Variants in RHPN1 observed in about 807,000 individuals in gnomAD.
The protein encoded by RHPN1 is rhophilin-1.
Under a neutral mutation model 74.7 loss-of-function variants are expected in RHPN1, and 77 were observed. That is an observed-to-expected ratio of 1.03 (90% CI 0.86 to 1.25). The LOEUF is 1.25. Among genes scored for constraint, RHPN1 ranks in the 50% most tolerant of loss-of-function variants. The pLI, the probability that RHPN1 is intolerant of heterozygous loss-of-function variation, is 0.00. For missense variants in RHPN1, 987 were observed against 932.2 expected (o/e 1.06, Z -0.77); for synonymous variants, 444 against 414.5 (o/e 1.07, Z -0.87).
rs781526277 is a variant in RHPN1, at chr8:143,378,818, C to G, written c.582C>G (p.His194Gln). 56 of 1,564,574 alleles carry G rather than the reference C, an allele frequency of 3.6e-5. No homozygotes were observed. Among genetic ancestry groups the G allele is most frequent in the Non-Finnish European group, 3.8e-5 (44 of 1,154,914 alleles). ...TPARSLGLFF[H>Q]WYDSLTGVPA... ...CCAGGAGCCTCGGGCTCTTCTTCCACTGGTAGGGGCTCTGCGGGCGGAGGC... is the reference window on the plus strand; with the variant it reads ...CCAGGAGCCTCGGGCTCTTCTTCCAGTGGTAGGGGCTCTGCGGGCGGAGGC... Residue 194 changes from histidine to glutamine, a missense_variant and splice_region_variant, in exon 6 of 15, where the codon CAC (histidine) becomes CAG (glutamine). His to Gln is a conservative substitution (Grantham distance 24, BLOSUM62 0). Transcript: ENST00000289013.
At chr8:143,372,618 C>T (rs1353758451) in intron 1 of RHPN1, among the ~76,000 whole-genome samples, 15 of 151,692 alleles carry the variant, frequency 9.9e-5, no homozygotes, top group Non-Finnish European at 1.5e-4. Flanking sequence ...TCCCTCCGGC[C>T]GCCTGTGTCC....
At chr8:143,380,386 C>T (rs1013675042) in intron 10 of RHPN1, 2 of 649,262 alleles carry the variant, frequency 3.1e-6, no homozygotes, top group Non-Finnish European at 2.6e-6. Context: ...AGGTGGGAGA[C>T]CACTGGGAGC....
intron 12 of RHPN1, 88 bp from the exon 13 acceptor site, chr8:143,381,484 G>C: frequency 6.7e-7 from 1 of 1,502,544 alleles, no homozygotes; most frequent in South Asian, 1.3e-5. Flanking sequence ...GGTGTCCCTC[G>C]GTGCACAGGT....
chr8:143,381,404 AC>A, intron 12 of RHPN1, 60 bp downstream of exon 12: 1 of 1,524,068 alleles, frequency 6.6e-7, no homozygotes, highest in Non-Finnish European at 8.9e-7. Flanking sequence ...TGTGGCTCTG[AC>A]CAGCACATGG....
chr8:143,379,128 G>T, intron 7 of RHPN1, 50 bp downstream of exon 7: 1 of 1,447,810 alleles, frequency 6.9e-7, no homozygotes, highest in Non-Finnish European at 9.1e-7. Flanking sequence ...CCAGGGTGTT[G>T]CAGAGCCCCT....
chr8:143,366,577 GCA>G (rs1216900428), upstream of RHPN1: 1 of 149,690 alleles, frequency 6.7e-6, no homozygotes, highest in East Asian at 2.0e-4. Context: ...ACGCACACAC[GCA>G]CACGCACACA....
At position 143,378,902 on chromosome 8, in the gene RHPN1, AAC is replaced by A. The variant is rs138642932; in HGVS notation, c.585-7_585-6del. 5.4e-4 allele frequency: 856 copies of A among 1,585,304 alleles called. 2 individuals carry two copies. In the African/African-American group the frequency reaches 9.8e-3, roughly 18 times the overall value. On this transcript the variant is annotated splice_polypyrimidine_tract_variant and splice_region_variant and intron_variant, in intron 6 of 14. Transcript: ENST00000289013. Reference sequence around the variant, plus strand: ...GTGGGAACTCCACCCAGCCTGACCCAACACTGCAGGTACGACTCGCTTACTGG... The same window carrying A: ...GTGGGAACTCCACCCAGCCTGACCCAACTGCAGGTACGACTCGCTTACTGG...
chr8:143,369,295 G>A (rs980986494), intron 1 of RHPN1, among the ~76,000 whole-genome samples: 2 of 152,188 alleles, frequency 1.3e-5, no homozygotes, highest in African/African-American at 4.8e-5. Flanking sequence ...GAAGCGGGTT[G>A]GGGGGACGCC....
intron 1 of RHPN1, among the ~76,000 whole-genome samples, chr8:143,375,304 C>T (rs1046139868): frequency 1.5e-4 from 23 of 152,332 alleles, no homozygotes; most frequent in African/African-American, 5.3e-4. Context: ...CGCTGACCCC[C>T]ATCACGAGTC....
intron 1 of RHPN1, among the ~76,000 whole-genome samples, chr8:143,370,625 T>G (rs1817761227): frequency 6.6e-6 from 1 of 152,242 alleles, no homozygotes; most frequent in African/African-American, 2.4e-5. Context: ...AGCGCTTACC[T>G]GGTGCCAGGG....
chr8:143,382,400 G>A (rs1355959887), intron 14 of RHPN1, 36 bp from the exon 15 acceptor site: 12 of 1,527,734 alleles, frequency 7.9e-6, no homozygotes, highest in East Asian at 2.4e-5. Context: ...CAGGCCAGCA[G>A]TGGCTGACCA....
At chr8:143,380,894 A>G in intron 11 of RHPN1, 111 bp downstream of exon 11, 2 of 916,124 alleles carry the variant, frequency 2.2e-6, no homozygotes, top group Non-Finnish European at 3.2e-6. Flanking sequence ...ACGATGAATT[A>G]AACAGCAGTA....
In RHPN1 at chr8:143,380,115, A is replaced by G; in HGVS notation, c.1156A>G (p.Thr386Ala). The G allele has an allele frequency of 1.3e-6, 2 of 1,550,298 alleles. No individual in the cohort carries two copies. The highest frequency in any genetic ancestry group is 1.2e-5 in the South Asian group (1 of 83,978). ...CGAGCAGGTCTTCCTGCAGCCCCCC[A>G]CCTCCTCTAAGCCCCGAGGCCCTGT... is the stretch of plus-strand genomic sequence containing the variant. ...THEQVFLQPP[T>A]SSKPRGPVLP... The change falls in exon 10 of 15, where the codon ACC becomes GCC. Residue 386 changes from threonine (T) to alanine (A), a missense_variant. Thr to Ala is a moderately conservative substitution (Grantham distance 58). Transcript: ENST00000289013.
chr8:143,376,428 G>C, intron 2 of RHPN1, 97 bp from the exon 3 acceptor site: 1 of 1,535,724 alleles, frequency 6.5e-7, no homozygotes, highest in South Asian at 1.2e-5. Flanking sequence ...GGTGGGCTTG[G>C]AGCTTTGACA....
At chr8:143,377,050 GT>G (rs1563794577) in intron 3 of RHPN1, among the ~76,000 whole-genome samples, 5,370 of 65,338 alleles carry the variant, frequency 0.082, 271 homozygotes, top group African/African-American at 0.17. Flanking sequence ...GTCTGTGTGT[GT>G]CTGTGTGTGC....
upstream of RHPN1, chr8:143,368,796 C>A (rs1817636327): frequency 5.8e-6 from 2 of 342,578 alleles, no homozygotes; most frequent in Non-Finnish European, 1.0e-5. Flanking sequence ...TGGCCAGCTT[C>A]GCACGCCAGA....
chr8:143,377,257 C>G (rs376221690), intron 3 of RHPN1, 123 bp from the exon 4 acceptor site: 1 of 691,462 alleles, frequency 1.4e-6, no homozygotes, highest in Non-Finnish European at 2.5e-6. Context: ...AGGACACAGG[C>G]GCACGTGCAC....
chr8:143,377,052 CT>C (rs1563794619), intron 3 of RHPN1, among the ~76,000 whole-genome samples: 23 of 45,860 alleles, frequency 5.0e-4, no homozygotes, highest in Middle Eastern at 0.012. Flanking sequence ...CTGTGTGTGT[CT>C]GTGTGTGCGC....
In RHPN1 at chr8:143,379,924, G is replaced by T. The variant is rs371033148; in HGVS notation, c.1041G>T (p.Lys347Asn). The T allele has an allele frequency of 1.7e-5, 27 of 1,597,532 alleles. No homozygotes were observed. The highest frequency in any genetic ancestry group is 2.3e-5 in the Non-Finnish European group (27 of 1,172,864). Residue 347 changes from lysine (K) to asparagine (N), a missense_variant, in exon 9 of 15, where the codon AAG (lysine) becomes AAT (asparagine). Coordinates refer to ENST00000289013, the MANE Select transcript of RHPN1 (RefSeq NM_052924.3). ...CCTGGACTGCCCTGGTGCATGTCAA[G>T]GCCGAGTACTTCCGCTCCCTGGCCC... The part of the protein sequence containing the change: ...PVSWTALVHV[K>N]AEYFRSLAHY...
Sources: allele counts gnomAD v4.1 joint callset (sites outside exome capture counted in the v4.1 genomes callset), GRCh38; gene constraint gnomAD v4.1.1; transcripts MANE v1.5; gene names NCBI Gene and HGNC (gene_info 2026-07-23, HGNC 2026-07-21).